TMEM235: variants seen among roughly 807,000 people sequenced by gnomAD.
TMEM235 encodes the protein transmembrane protein 235, also known as claudin-27.
TMEM235 carries 23 observed loss-of-function variants against 22.9 expected under a neutral mutation model. That is an observed-to-expected ratio of 1.00 (90% CI 0.72 to 1.42). TMEM235 has a LOEUF of 1.42. TMEM235 is among the 40% of genes most tolerant of loss of function. The pLI, the probability that TMEM235 is intolerant of heterozygous loss-of-function variation, is 0.00. For missense variants in TMEM235, 308 were observed against 299.5 expected (o/e 1.03, Z -0.21); for synonymous variants, 137 against 140.5 (o/e 0.98, Z 0.17).
chr17:78,236,826 G>A (rs956209213), intron 4 of TMEM235, among the ~76,000 whole-genome samples: 1 of 152,194 alleles, frequency 6.6e-6, no homozygotes, highest in Non-Finnish European at 1.5e-5. Flanking sequence ...AGAGATTGGG[G>A]AAACCAGCAG....
At chr17:78,236,914 C>G (rs1050934864) in intron 4 of TMEM235, among the ~76,000 whole-genome samples, 4 of 152,210 alleles carry the variant, frequency 2.6e-5, no homozygotes, top group Non-Finnish European at 4.4e-5. Flanking sequence ...CAGGAAGAAT[C>G]CAAATGACCT....
exon 2 of TMEM235, chr17:78,231,558 G>T (rs891985595): frequency 7.7e-7 from 1 of 1,303,956 alleles, no homozygotes; most frequent in Non-Finnish European, 1.0e-6. Context: ...CCAGGAGCAC[G>T]GGTGGGTGGT....
chr17:78,236,845 T>C (rs527959420), intron 4 of TMEM235, among the ~76,000 whole-genome samples: 1 of 152,268 alleles, frequency 6.6e-6, no homozygotes, highest in East Asian at 1.9e-4. Flanking sequence ...AGCCTTGGTA[T>C]TGGTCACAGG....
chr17:78,234,069 C>T (rs1467081222), intron 3 of TMEM235, 94 bp downstream of exon 2: 12 of 1,146,110 alleles, frequency 1.0e-5, no homozygotes, highest in Non-Finnish European at 1.4e-5. Flanking sequence ...AGCACTGCTT[C>T]CACTGCCCCT....
chr17:78,232,333 C>A, intron 2 of TMEM235, 120 bp downstream of exon 1: 1 of 968,446 alleles, frequency 1.0e-6, no homozygotes, highest in Non-Finnish European at 1.4e-6. Flanking sequence ...CTCTTGCATC[C>A]CGCTCTGCCC....
chr17:78,239,960 G>C lies in TMEM235; in HGVS notation c.*168G>C, dbSNP rs1249767153. 1.9e-6 allele frequency: 3 copies of C among 1,549,242 alleles called. No individual in the cohort carries two copies. The East Asian group carries it at 7.3e-5, about 38-fold the overall frequency. On this transcript the variant is annotated 3_prime_UTR_variant, in exon 6 of 6. Transcript: ENST00000421688. ...GAGCCCCTCCGATTTGCAGGGGTGG[G>C]GGGCAAGGAGCTGAGCGATCCAGAT...
chr17:78,239,081 C>A, exon 5 of TMEM235: 3 of 1,544,368 alleles, frequency 1.9e-6, no homozygotes, highest in South Asian at 1.2e-5. Context: ...CTGGCCTTTG[C>A]GGAGACGGTG....
rs1241998895 is a variant in TMEM235, at chr17:78,231,867, C to G, written c.-157C>G. 5 of 1,143,146 alleles carry G rather than the reference C, an allele frequency of 4.4e-6. No individual in the cohort carries two copies. In the Admixed American group the frequency reaches 2.2e-4, roughly 50 times the overall value. 70.8% of individuals were successfully genotyped at this position (1,143,146 alleles called of 1,614,324 possible). A position where few individuals can be genotyped will look rare whatever the true frequency, so the allele number is the denominator to read the frequency against. The stretch of plus-strand genomic sequence containing the variant: ...TCTCCCTGCGACCCCAGGGGGCCCG[C>G]GAGGCCAGTGCGCGGGCAGGAGCGG... On this transcript the variant is annotated 5_prime_UTR_variant, in exon 2 of 6. Coordinates refer to ENST00000421688, the Ensembl canonical transcript of TMEM235.
rs934243542 is a variant in TMEM235 at position 78,233,551 on chromosome 17, C to T, written c.191-344C>T. ...TCTACTAAAAATACAAAAAATTAGCCGGGCACGGTGGCGGGTGCCTGTAGT... is the reference window on the plus strand; with the variant it reads ...TCTACTAAAAATACAAAAAATTAGCTGGGCACGGTGGCGGGTGCCTGTAGT... On this transcript the variant is annotated intron_variant, in intron 2 of 5. Coordinates refer to ENST00000421688, the Ensembl canonical transcript of TMEM235. 3.3e-5 allele frequency among the ~76,000 whole-genome samples: 5 copies of T among 152,058 alleles called. No homozygotes were observed. In the South Asian group the frequency reaches 8.3e-4, roughly 25 times the overall value.
exon 2 of TMEM235, chr17:78,231,796 CT>C: frequency 1.6e-6 from 2 of 1,218,656 alleles, no homozygotes; most frequent in Non-Finnish European, 2.1e-6. Context: ...ACTTCCTCTC[CT>C]TTCCCCCAGG....
At chr17:78,231,958 C>T (rs1427124634) in exon 2 of TMEM235, 32 of 1,079,312 alleles carry the variant, frequency 3.0e-5, no homozygotes, top group Non-Finnish European at 3.6e-5. Context: ...CTCCCGGCTC[C>T]GCGCGCCCCC....
rs556360892 is a variant in TMEM235 at position 78,238,402 on chromosome 17, G to A, written c.410-622G>A. 2.0e-5 allele frequency among the ~76,000 whole-genome samples: 3 copies of A among 152,178 alleles called. No individual in the cohort carries two copies. Among genetic ancestry groups the A allele is most frequent in the Admixed American group, 2.0e-4 (3 of 15,284 alleles). On this transcript the variant is annotated intron_variant, in intron 4 of 5. Coordinates refer to ENST00000421688, the Ensembl canonical transcript of TMEM235. This position sits in a 1 kb window ranked among gnomAD's most constrained non-coding sequence, Gnocchi z 4.3. ...AAACTCAGAGCTGGGAGGACAGGGG[G>A]GCTCTGGAAGGGGAGTCAGAGGGAG...
At chr17:78,234,212 C>T (rs1414881827) in intron 3 of TMEM235, 3 of 699,674 alleles carry the variant, frequency 4.3e-6, no homozygotes, top group Admixed American at 4.0e-5. Context: ...ATGGCTCATC[C>T]CTTTGTTATT....
exon 2 of TMEM235, chr17:78,231,857 AGGGGGC>A (rs1254599346): frequency 4.3e-6 from 5 of 1,159,026 alleles, no homozygotes; most frequent in South Asian, 1.7e-5. Context: ...CTGCGACCCC[AGGGGGC>A]CCGCGAGGCC....
exon 2 of TMEM235, chr17:78,231,746 G>A: frequency 1.1e-5 from 14 of 1,234,092 alleles, no homozygotes; most frequent in African/African-American, 1.6e-5. Context: ...GGGGACGCTG[G>A]GATTGGAGCC....
exon 2 of TMEM235, chr17:78,232,174 C>T (rs1488845251): frequency 6.7e-7 from 1 of 1,492,888 alleles, no homozygotes; most frequent in Non-Finnish European, 8.9e-7. Flanking sequence ...GCGCGCAGAG[C>T]TGCTCTCCTC....
exon 6 of TMEM235, chr17:78,239,916 G>T (rs1567876989): frequency 1.3e-6 from 2 of 1,551,234 alleles, no homozygotes; most frequent in Non-Finnish European, 1.7e-6. Context: ...GTGGAGAAGA[G>T]GCTGATGAGA....
At chr17:78,232,461 T>G (rs2076593862) in intron 2 of TMEM235, among the ~76,000 whole-genome samples, 1 of 152,070 alleles carries the variant, frequency 6.6e-6, no homozygotes, top group African/African-American at 2.4e-5. Flanking sequence ...AGGAGGGGGC[T>G]GTGGGGCGAC....
intron 4 of TMEM235, among the ~76,000 whole-genome samples, chr17:78,236,567 C>T (rs928739790): frequency 2.0e-5 from 3 of 152,240 alleles, no homozygotes; most frequent in Admixed American, 6.5e-5. Flanking sequence ...CCTTCACCCC[C>T]ACTGGTGCTG....
Sources: gnomAD v4.1 joint callset for allele counts (sites outside exome capture counted in the v4.1 genomes callset) on GRCh38, gnomAD v4.1.1 for gene constraint, Gnocchi (gnomAD v3.1) non-coding constraint, MANE v1.5 for transcripts, NCBI Gene and HGNC (gene_info 2026-07-23, HGNC 2026-07-21) for gene names.